Variants in HOMER1 observed in about 807,000 individuals in gnomAD.
HOMER1 encodes homer protein homolog 1.
Under a neutral mutation model 48.9 loss-of-function variants are expected in HOMER1, and 3 were observed. The observed-to-expected ratio is 0.06, with a 90% CI of 0.03 to 0.16. The LOEUF (loss-of-function observed/expected upper bound fraction) is 0.16, where lower values mean the gene tolerates loss of function less well. HOMER1 is among the 10% of genes least tolerant of loss of function. The pLI is 1.00. For missense variants in HOMER1, 247 were observed against 411.4 expected (o/e 0.60, Z 3.46); for synonymous variants, 134 against 146.4 (o/e 0.92, Z 0.61).
intron 8 of HOMER1, among the ~76,000 whole-genome samples, chr5:79,393,245 T>C (rs1749298886): frequency 6.6e-6 from 1 of 152,128 alleles, no homozygotes; most frequent in South Asian, 2.1e-4. Flanking sequence ...CAGCTAGTGA[T>C]AAGTACTAAA....
intron 1 of HOMER1, among the ~76,000 whole-genome samples, chr5:79,459,869 G>A (rs1003968494): frequency 2.6e-5 from 4 of 152,162 alleles, no homozygotes; most frequent in African/African-American, 7.2e-5. Flanking sequence ...TGTGTAGCAA[G>A]AACCTTAGTA....
At chr5:79,417,657 G>C (rs900078364) in intron 5 of HOMER1, among the ~76,000 whole-genome samples, 8 of 151,974 alleles carry the variant, frequency 5.3e-5, no homozygotes, top group Non-Finnish European at 1.0e-4. Context: ...TTATCTACAG[G>C]GTAATAGCAT....
chr5:79,398,328 CACAT>C (rs1043387996), intron 6 of HOMER1, among the ~76,000 whole-genome samples: 1 of 150,812 alleles, frequency 6.6e-6, no homozygotes, highest in Admixed American at 6.6e-5. Context: ...CACACACACA[CACAT>C]GCACACACAC....
intron 1 of HOMER1, among the ~76,000 whole-genome samples, chr5:79,486,263 C>T (rs550584008): frequency 3.3e-5 from 5 of 152,278 alleles, no homozygotes; most frequent in Non-Finnish European, 7.4e-5. Flanking sequence ...GCCAAAATTG[C>T]ACATTTGTAA....
intron 3 of HOMER1, among the ~76,000 whole-genome samples, chr5:79,449,391 TGTA>T (rs1750972515): frequency 6.6e-6 from 1 of 152,252 alleles, no homozygotes; most frequent in African/African-American, 2.4e-5. Context: ...ATACTTTGAA[TGTA>T]AAACTCTTAT....
intron 2 of HOMER1, among the ~76,000 whole-genome samples, chr5:79,455,012 A>G (rs1195744252): frequency 6.6e-6 from 1 of 152,094 alleles, no homozygotes; most frequent in Non-Finnish European, 1.5e-5. Context: ...CGCTCTGGAT[A>G]TAATCATAGC....
At chr5:79,451,641 C>T (rs1445194479) in intron 2 of HOMER1, among the ~76,000 whole-genome samples, 2 of 130,788 alleles carry the variant, frequency 1.5e-5, no homozygotes, top group African/African-American at 5.9e-5. Flanking sequence ...TCTCGGCTAA[C>T]TGCAAGCTCC....
intron 2 of HOMER1, among the ~76,000 whole-genome samples, chr5:79,456,017 T>C (rs1751166856): frequency 6.6e-6 from 1 of 151,864 alleles, no homozygotes; most frequent in Admixed American, 6.6e-5. Flanking sequence ...TATCCAGGCA[T>C]GGAGGCGCAC....
intron 5 of HOMER1, among the ~76,000 whole-genome samples, chr5:79,420,300 T>C (rs765158933): frequency 3.5e-4 from 53 of 152,332 alleles, no homozygotes; most frequent in Non-Finnish European, 6.8e-4. Flanking sequence ...TTCTTTCCAG[T>C]TGTCACTACC....
At chr5:79,474,584 A>C (rs1039181582) in intron 1 of HOMER1, among the ~76,000 whole-genome samples, 2 of 152,178 alleles carry the variant, frequency 1.3e-5, no homozygotes, top group Non-Finnish European at 2.9e-5. Flanking sequence ...ACACCCAAAC[A>C]AGACTACAAC....
At chr5:79,505,990 T>TA (rs1290183407) in intron 1 of HOMER1, among the ~76,000 whole-genome samples, 1 of 152,122 alleles carries the variant, frequency 6.6e-6, no homozygotes. Flanking sequence ...GAAAGAATAG[T>TA]AAAAAAGATG....
At chr5:79,449,131 C>A (rs1021752683) in intron 3 of HOMER1, among the ~76,000 whole-genome samples, 1 of 151,946 alleles carries the variant, frequency 6.6e-6, no homozygotes, top group Non-Finnish European at 1.5e-5. Flanking sequence ...ATTACTCAGC[C>A]CAAAAAGCAT....
chr5:79,511,288 A>G (rs2112389241), intron 1 of HOMER1, among the ~76,000 whole-genome samples: 1 of 152,366 alleles, frequency 6.6e-6, no homozygotes, highest in South Asian at 2.1e-4. Context: ...CAATTCATCC[A>G]AAACATTTTT....
chr5:79,399,954 ATATAT>A (rs1749489861), intron 6 of HOMER1, among the ~76,000 whole-genome samples: 1 of 152,266 alleles, frequency 6.6e-6, no homozygotes, highest in African/African-American at 2.4e-5. Context: ...GAGTAAATAA[ATATAT>A]TATGTTTCTT....
At chr5:79,452,383 TCTG>T (rs1178174006) in intron 2 of HOMER1, among the ~76,000 whole-genome samples, 2 of 152,224 alleles carry the variant, frequency 1.3e-5, no homozygotes, top group Non-Finnish European at 1.5e-5. Context: ...ACTCATTCTC[TCTG>T]CTAATACCAT....
chr5:79,468,630 A>G (rs1029313789), intron 1 of HOMER1, among the ~76,000 whole-genome samples: 1 of 152,226 alleles, frequency 6.6e-6, no homozygotes. Context: ...CGACAGACAT[A>G]TAAGTAGTTC....
At chr5:79,451,694 T>C (rs1299486276) in intron 2 of HOMER1, among the ~76,000 whole-genome samples, 3 of 150,066 alleles carry the variant, frequency 2.0e-5, no homozygotes, top group Non-Finnish European at 3.0e-5. Flanking sequence ...GCCTCCTGAG[T>C]AGCTGGGACT....
intron 8 of HOMER1, among the ~76,000 whole-genome samples, chr5:79,383,381 A>G (rs888152393): frequency 4.6e-5 from 7 of 151,752 alleles, no homozygotes; most frequent in African/African-American, 1.7e-4. Flanking sequence ...ACATTTACAG[A>G]ACATCTTTTT....
chr5:79,498,542 C>T (rs1752487219), intron 1 of HOMER1, among the ~76,000 whole-genome samples: 1 of 152,162 alleles, frequency 6.6e-6, no homozygotes, highest in African/African-American at 2.4e-5. Flanking sequence ...TTTAAGAATA[C>T]ACTGGATATG....
Sources: gnomAD v4.1 joint callset for allele counts (sites outside exome capture counted in the v4.1 genomes callset) on GRCh38, gnomAD v4.1.1 for gene constraint, MANE v1.5 for transcripts, NCBI Gene and HGNC (gene_info 2026-07-23, HGNC 2026-07-21) for gene names.